ZDHHC6: variants seen among roughly 807,000 people sequenced by gnomAD.
The protein encoded by ZDHHC6 is zDHHC palmitoyltransferase 6.
A neutral mutation model predicts 57.8 loss-of-function variants in ZDHHC6; 32 were observed. The ratio of observed to expected loss-of-function variants is 0.55; its 90% CI spans 0.42 to 0.74. The LOEUF is 0.74. ZDHHC6 is among the 30% of genes least tolerant of loss of function. ZDHHC6 has a pLI of 0.00. For synonymous variants in ZDHHC6, 128 were observed against 158.0 expected (o/e 0.81, Z 1.42); for missense variants, 433 against 500.7 (o/e 0.86, Z 1.29).
rs537675815 is a variant in ZDHHC6 at position 112,445,104 on chromosome 10, T to C, written c.267+66A>G. ...GGCTGTGTTTGGTATTATTGGTTAG[T>C]AGATAAGGCAAAAACCAAATATACG... On this transcript the variant is annotated intron_variant, in intron 2 of 10. Transcript: ENST00000369405. 27 of 1,532,340 alleles carry C rather than the reference T, an allele frequency of 1.8e-5. No homozygotes were observed. The African/African-American group carries it at 1.9e-4, about 11-fold the overall frequency. The allele number at this position is 1,532,340 out of a possible 1,614,324, so 94.9% of individuals were successfully genotyped here.
intron 1 of ZDHHC6, among the ~76,000 whole-genome samples, chr10:112,446,401 G>A (rs1846727307): frequency 6.6e-6 from 1 of 152,164 alleles, no homozygotes; most frequent in South Asian, 2.1e-4. Context: ...GAGGGAAATG[G>A]AAGGCAGGGC....
At chr10:112,429,642 C>A (rs998952969), downstream of ZDHHC6, among the ~76,000 whole-genome samples, 1 of 152,156 alleles carries the variant, frequency 6.6e-6, no homozygotes, top group African/African-American at 2.4e-5. Context: ...TAGACAAGCC[C>A]AATTTAAGCA....
downstream of ZDHHC6, chr10:112,427,308 A>C (rs180806591): frequency 2.7e-4 from 431 of 1,613,986 alleles, 4 homozygotes; most frequent in East Asian, 8.8e-3. Context: ...AGAGCTTTCC[A>C]AATACTTTCG....
intron 10 of ZDHHC6, among the ~76,000 whole-genome samples, chr10:112,431,407 G>A (rs754697358): frequency 3.4e-4 from 52 of 151,666 alleles, no homozygotes; most frequent in Non-Finnish European, 5.4e-4. Context: ...TCTGCCTCCC[G>A]GGTTCAAGCA....
exon 12 of ZDHHC6, chr10:112,425,206 A>C (rs1844621209): frequency 1.3e-6 from 1 of 770,208 alleles, no homozygotes; most frequent in Non-Finnish European, 2.0e-6. Flanking sequence ...AAGAAAGAGA[A>C]ATGAAAGACA....
exon 12 of ZDHHC6, chr10:112,425,275 C>G (rs1844623226): frequency 7.0e-7 from 1 of 1,431,490 alleles, no homozygotes; most frequent in Non-Finnish European, 9.5e-7. Context: ...GACTTCACCA[C>G]TCTCCCCACT....
intron 5 of ZDHHC6, 30 bp downstream of exon 5, chr10:112,440,504 C>T: frequency 1.2e-6 from 2 of 1,601,074 alleles, no homozygotes; most frequent in Non-Finnish European, 1.7e-6. Flanking sequence ...CAACTTGACA[C>T]TTTTGACTTG....
At chr10:112,428,132 G>A (rs971842959), downstream of ZDHHC6, 1 of 286,126 alleles carries the variant, frequency 3.5e-6, no homozygotes, top group Non-Finnish European at 6.4e-6. Context: ...GTGGGGGAAG[G>A]AGTTGACAGG....
intron 6 of ZDHHC6, among the ~76,000 whole-genome samples, chr10:112,436,284 G>A (rs1030338364): frequency 4.6e-5 from 7 of 152,220 alleles, no homozygotes; most frequent in Non-Finnish European, 7.3e-5. Context: ...AGACCAGCCT[G>A]GCCAACATGG....
Position 112,433,279 on chromosome 10 carries a change from T to C in ZDHHC6, c.906A>G (p.Ile302Met). The change falls in exon 8 of 11, where the codon ATA becomes ATG. Residue 302 changes from isoleucine (I) to methionine (M), a missense_variant and splice_region_variant. Coordinates refer to ENST00000369405, the MANE Select transcript of ZDHHC6 (RefSeq NM_022494.3). Reference protein sequence around the residue: ...REGCHQYSLTIEQLKQKADKR... With the variant: ...REGCHQYSLTMEQLKQKADKR... ...TATCTGCTTTTTGTTTCAACTGTTCTATCTGTTTGGAAGAAATAAAAAGAA... is the reference window on the plus strand; with the variant it reads ...TATCTGCTTTTTGTTTCAACTGTTCCATCTGTTTGGAAGAAATAAAAAGAA... 1.9e-6 allele frequency: 3 copies of C among 1,576,212 alleles called. No individual in the cohort carries two copies. Among genetic ancestry groups the C allele is most frequent in the Non-Finnish European group, 2.6e-6 (3 of 1,164,470 alleles).
intron 5 of ZDHHC6, 77 bp from the exon 6 acceptor site, chr10:112,438,466 G>A (rs1404059401): frequency 3.7e-5 from 42 of 1,132,202 alleles, no homozygotes; most frequent in Non-Finnish European, 4.9e-5. Context: ...AATTCTCTGA[G>A]ATAGCTTTTA....
downstream of ZDHHC6, chr10:112,426,206 A>T (rs1253198931): frequency 1.8e-5 from 26 of 1,409,360 alleles, no homozygotes; most frequent in Non-Finnish European, 2.6e-5. Flanking sequence ...ACTGGGGGAC[A>T]TCCCTACATA....
downstream of ZDHHC6, chr10:112,428,368 T>C (rs1426479376): frequency 5.0e-6 from 2 of 398,426 alleles, no homozygotes; most frequent in Non-Finnish European, 8.8e-6. Context: ...AAATAAACTA[T>C]TACAGATACT....
rs1844930366 is a variant in ZDHHC6 at position 112,430,603 on chromosome 10, G to A, written c.*201C>T. The A allele has an allele frequency of 2.3e-6, 1 of 436,668 alleles. No homozygotes were observed. Among genetic ancestry groups the A allele is most frequent in the Admixed American group, 4.2e-5 (1 of 23,966 alleles). 27.0% of individuals were successfully genotyped at this position (436,668 alleles called of 1,614,324 possible). A position where few individuals can be genotyped will look rare whatever the true frequency, so the allele number is the denominator to read the frequency against. On this transcript the variant is annotated 3_prime_UTR_variant, in exon 11 of 11. Transcript: ENST00000369405. ...TTGAGGGGGAGGAAGAGGTGGTAAA[G>A]AGGGGCAGGAATTCAAAGGCATATG...
intron 6 of ZDHHC6, among the ~76,000 whole-genome samples, chr10:112,437,007 A>G (rs1845601960): frequency 6.6e-6 from 1 of 152,204 alleles, no homozygotes; most frequent in African/African-American, 2.4e-5. Flanking sequence ...AATATAGCAA[A>G]CTAAGGTTAT....
intron 2 of ZDHHC6, among the ~76,000 whole-genome samples, chr10:112,444,071 C>A (rs72821869): frequency 6.6e-6 from 1 of 151,986 alleles, no homozygotes; most frequent in Admixed American, 6.5e-5. Flanking sequence ...CAGCACAAAC[C>A]GTGTATTGTC....
Position 112,433,343 on chromosome 10 carries a change from T to C in ZDHHC6, c.904-62A>G. The C allele has an allele frequency of 2.9e-6, 4 of 1,369,350 alleles. No homozygotes were observed. In the East Asian group the frequency reaches 1.0e-4, roughly 35 times the overall value. The allele number at this position is 1,369,350 out of a possible 1,614,324, so 84.8% of individuals were successfully genotyped here. A position where few individuals can be genotyped will look rare whatever the true frequency, so the allele number is the denominator to read the frequency against. On this transcript the variant is annotated intron_variant, in intron 7 of 10. Transcript: ENST00000369405. ...CTTGTCTCAATGTTGAAAAATCGCCTTTCCTCATCAACTGTCAGAGTGATA... is the reference window on the plus strand; with the variant it reads ...CTTGTCTCAATGTTGAAAAATCGCCCTTCCTCATCAACTGTCAGAGTGATA...
chr10:112,426,286 A>T, downstream of ZDHHC6: 1 of 1,614,088 alleles, frequency 6.2e-7, no homozygotes, highest in Non-Finnish European at 8.5e-7. Flanking sequence ...GTGGTTCCTG[A>T]CACAGATGTA....
downstream of ZDHHC6, among the ~76,000 whole-genome samples, chr10:112,429,017 T>G (rs755733253): frequency 6.6e-6 from 1 of 152,242 alleles, no homozygotes; most frequent in Non-Finnish European, 1.5e-5. Context: ...ACAAGTCATA[T>G]CCATTCTTTT....
Sources: allele counts gnomAD v4.1 joint callset (sites outside exome capture counted in the v4.1 genomes callset), GRCh38; gene constraint gnomAD v4.1.1; transcripts MANE v1.5; gene names NCBI Gene and HGNC (gene_info 2026-07-23, HGNC 2026-07-21).